Variants in UBP1 observed in about 807,000 individuals in gnomAD.
UBP1 encodes the protein upstream binding protein 1, also known as upstream-binding protein 1.
In UBP1, 22 loss-of-function variants were observed where a neutral mutation model predicts 76.1. That is an observed-to-expected ratio of 0.29 (90% confidence interval 0.21 to 0.41). The LOEUF (loss-of-function observed/expected upper bound fraction) is 0.41. UBP1 is among the 10% of genes least tolerant of loss of function. The pLI is 1.00. For missense variants in UBP1, 436 were observed against 668.1 expected, an observed-to-expected ratio of 0.65 and a Z score of 3.83; for synonymous variants, 224 against 237.1, an observed-to-expected ratio of 0.94 and a Z score of 0.51.
chr3:33,416,408 A>C (rs2044730488), intron 3 of UBP1, among the ~76,000 whole-genome samples: 1 of 152,234 alleles, frequency 6.6e-6, no homozygotes, highest in African/African-American at 2.4e-5. Flanking sequence ...TTTTTAAATG[A>C]AACTTTACAA....
intron 1 of UBP1, among the ~76,000 whole-genome samples, chr3:33,426,143 T>C (rs370268669): frequency 1.3e-5 from 2 of 150,866 alleles, no homozygotes; most frequent in African/African-American, 4.9e-5. Context: ...CAAGAAATAA[T>C]ACTGCTGCCA....
chr3:33,422,989 CT>C (rs2044938880), intron 2 of UBP1, among the ~76,000 whole-genome samples: 1 of 151,276 alleles, frequency 6.6e-6, no homozygotes, highest in Non-Finnish European at 1.5e-5. Context: ...GTTATAATTT[CT>C]TTTAAAAGGG....
At chr3:33,398,659 C>T (rs1366056680) in intron 11 of UBP1, among the ~76,000 whole-genome samples, 1 of 152,160 alleles carries the variant, frequency 6.6e-6, no homozygotes, top group Non-Finnish European at 1.5e-5. Flanking sequence ...GAAGAAGCCC[C>T]CAGGATAAGG....
chr3:33,402,369 T>C (rs2044261018), intron 9 of UBP1, among the ~76,000 whole-genome samples: 1 of 152,130 alleles, frequency 6.6e-6, no homozygotes, highest in African/African-American at 2.4e-5. Context: ...AAAGATTTAA[T>C]TAAAAAAATA....
At chr3:33,409,412 A>G (rs751753915) in intron 6 of UBP1, 37 bp downstream of exon 6, 4 of 1,613,890 alleles carry the variant, frequency 2.5e-6, no homozygotes, top group East Asian at 4.5e-5. Context: ...GGCAAAACTG[A>G]GCCTTAATTA....
chr3:33,398,795 C>T (rs1013346038), intron 11 of UBP1, among the ~76,000 whole-genome samples: 2 of 152,174 alleles, frequency 1.3e-5, no homozygotes, highest in African/African-American at 2.4e-5. Context: ...TTCCAAATGT[C>T]GGCGCTTTTT....
chr3:33,398,987 A>C (rs1044784296), intron 11 of UBP1, among the ~76,000 whole-genome samples: 2 of 152,278 alleles, frequency 1.3e-5, no homozygotes, highest in South Asian at 4.1e-4. Context: ...ACAAAGAAGT[A>C]CACGGGGAAT....
chr3:33,409,741 A>G (rs574595124), intron 5 of UBP1, 140 bp from the exon 6 acceptor site: 1 of 1,082,126 alleles, frequency 9.2e-7, no homozygotes, highest in East Asian at 2.5e-5. Context: ...TAGCCAAATT[A>G]TCTATGAACC....
intron 1 of UBP1, among the ~76,000 whole-genome samples, chr3:33,437,103 C>G (rs912796847): frequency 6.6e-6 from 1 of 152,134 alleles, no homozygotes; most frequent in Non-Finnish European, 1.5e-5. Flanking sequence ...AAGTATAATA[C>G]AACAGCACAC....
At chr3:33,401,064 T>C (rs753562791) in intron 9 of UBP1, 48 bp from the exon 10 acceptor site, 11 of 1,524,202 alleles carry the variant, frequency 7.2e-6, no homozygotes, top group Non-Finnish European at 2.7e-6. Flanking sequence ...ATAATACATA[T>C]ATGTTTTAAT....
chr3:33,406,255 A>G (rs1211465007), intron 8 of UBP1, among the ~76,000 whole-genome samples: 1 of 152,164 alleles, frequency 6.6e-6, no homozygotes, highest in Non-Finnish European at 1.5e-5. Context: ...AAAAATAAAT[A>G]AATAACTAAA....
chr3:33,392,974 A>G (rs2043829084), intron 14 of UBP1: 1 of 311,930 alleles, frequency 3.2e-6, no homozygotes, highest in Non-Finnish European at 5.8e-6. Context: ...GTTTTTTTAA[A>G]TTAGTCATCA....
In UBP1 at chr3:33,409,241, T is replaced by C. The variant is rs1248225764; in HGVS notation, c.814A>G (p.Thr272Ala). ...YQPSYDTTIL[T>A]EMRLEPIIED... is the part of the protein sequence containing the mutation. ...CAAATGCTTTACTACATTACCTCTG[T>C]GAGGATTGTGGTATCATAGGACGGC... is the stretch of plus-strand genomic sequence containing the variant. Residue 272 changes from threonine to alanine, a missense_variant, in exon 7 of 16, where the codon ACA becomes GCA. Physicochemically the swap from Thr to Ala is moderately conservative, Grantham distance 58. Transcript: ENST00000283629. The C allele has an allele frequency of 6.2e-7, 1 of 1,613,696 alleles. No individual in the cohort carries two copies. The highest frequency in any genetic ancestry group is 2.2e-5 in the East Asian group (1 of 44,896).
intron 9 of UBP1, among the ~76,000 whole-genome samples, chr3:33,401,376 T>C (rs2154056040): frequency 6.6e-6 from 1 of 152,110 alleles, no homozygotes; most frequent in East Asian, 1.9e-4. Flanking sequence ...TCAAATTAGA[T>C]AAATAGTTGA....
chr3:33,409,606 A>G lies in UBP1; in HGVS notation c.556-5T>C. 1 of 1,614,160 alleles carries G rather than the reference A, an allele frequency of 6.2e-7. No homozygotes were observed. Among genetic ancestry groups the G allele is most frequent in the Non-Finnish European group, 8.5e-7 (1 of 1,180,010 alleles). On this transcript the variant is annotated splice_region_variant and splice_polypyrimidine_tract_variant and intron_variant, in intron 5 of 15. Transcript: ENST00000283629. ...TTCTGTGCTGATGCAGTGTACCTAT[A>G]AAACGATTCAGGCTGAAATGGATTC... is the stretch of plus-strand genomic sequence containing the variant.
upstream of UBP1, chr3:33,441,008 A>C (rs2154060765): frequency 6.6e-6 from 1 of 152,348 alleles, no homozygotes; most frequent in South Asian, 2.1e-4. Flanking sequence ...GAGCTCTGGA[A>C]AGACTTCCCC....
intron 3 of UBP1, 52 bp from the exon 4 acceptor site, chr3:33,412,879 G>T (rs753457903): frequency 4.6e-5 from 55 of 1,185,638 alleles, no homozygotes; most frequent in Non-Finnish European, 5.1e-6. Flanking sequence ...CAGCTAAAAT[G>T]CAGGACCATT....
rs771104511 is a variant in UBP1, at chr3:33,416,801, C to T, written c.299G>A (p.Arg100Gln). ...QSYEIRMLDNRKMGDMPEING... is the reference protein window; with the variant it reads ...QSYEIRMLDNQKMGDMPEING... The stretch of plus-strand genomic sequence containing the variant: ...GATCTCAGGCATATCACCCATTTTC[C>T]GATTATCCAGCATCCGAATTTCATA... Residue 100 changes from arginine (R) to glutamine (Q), a missense_variant, in exon 3 of 16, where the codon CGG (arginine) becomes CAG (glutamine). Physicochemically the swap from Arg to Gln is conservative, Grantham distance 43 (BLOSUM62 1). Around this residue, in one of 3 missense-constraint regions of UBP1, gnomAD observed 161 missense variants for 237.9 expected, o/e 0.68. Coordinates refer to ENST00000283629, the MANE Select transcript of UBP1 (RefSeq NM_014517.5). The T allele has an allele frequency of 6.2e-7, 1 of 1,613,484 alleles. No individual in the cohort carries two copies. The highest frequency in any genetic ancestry group is 1.1e-5 in the South Asian group (1 of 91,050).
chr3:33,433,927 A>AAAT (rs1025440053), intron 1 of UBP1, among the ~76,000 whole-genome samples: 2 of 152,040 alleles, frequency 1.3e-5, no homozygotes, highest in African/African-American at 2.4e-5. Flanking sequence ...CTGTCTCTAA[A>AAAT]AATAATAATA....
Sources: allele counts gnomAD v4.1 joint callset (sites outside exome capture counted in the v4.1 genomes callset), GRCh38; gene constraint gnomAD v4.1.1; regional missense constraint gnomAD v4.1.1; transcripts MANE v1.5; gene names NCBI Gene and HGNC (gene_info 2026-07-23, HGNC 2026-07-21).